The following GABARAPL1 variants were observed in gnomAD, a reference collection of about 807,000 sequenced individuals.
GABARAPL1 encodes the protein gamma-aminobutyric acid receptor-associated protein-like 1.
In GABARAPL1, 4 loss-of-function variants were observed where a neutral mutation model predicts 14.5. That is an observed-to-expected ratio of 0.28 (90% CI 0.14 to 0.63). GABARAPL1 has a LOEUF of 0.63. Among genes scored for constraint, GABARAPL1 ranks in the 30% least tolerant of loss-of-function variants. The pLI, the probability that GABARAPL1 is intolerant of heterozygous loss-of-function variation, is 0.84. For synonymous variants in GABARAPL1, 47 were observed against 50.6 expected (o/e 0.93, Z 0.30); for missense variants, 82 against 139.2 (o/e 0.59, Z 2.07).
chr12:10,221,894 G>T lies in GABARAPL1; in HGVS notation c.*42G>T, dbSNP rs530752860. The T allele has an allele frequency of 3.1e-6, 5 of 1,590,218 alleles. 1 individual carries two copies. The South Asian group carries it at 5.5e-5, about 18-fold the overall frequency. On this transcript the variant is annotated 3_prime_UTR_variant, in exon 4 of 4. Transcript: ENST00000266458. ...CAGATGGGAGCACCTGGACTTGGGG[G>T]TAGGGGAGGGGTGTGTGTGCGCGAC...
At chr12:10,215,209 T>C (rs1326797767) in intron 1 of GABARAPL1, among the ~76,000 whole-genome samples, 1 of 152,180 alleles carries the variant, frequency 6.6e-6, no homozygotes, top group Non-Finnish European at 1.5e-5. Flanking sequence ...TAATGATTCC[T>C]GAAGCCCATT....
chr12:10,217,228 CATATT>C (rs1277094182), intron 1 of GABARAPL1, among the ~76,000 whole-genome samples: 1 of 152,140 alleles, frequency 6.6e-6, no homozygotes, highest in East Asian at 1.9e-4. Flanking sequence ...GTGCTGACAT[CATATT>C]ATAGGATATC....
At chr12:10,220,726 C>T (rs1949116558) in intron 3 of GABARAPL1, 168 bp downstream of exon 3, 4 of 1,525,502 alleles carry the variant, frequency 2.6e-6, no homozygotes, top group African/African-American at 2.8e-5. Context: ...TTAGATACCT[C>T]TTGTTTTTTA....
At chr12:10,219,628 C>T (rs931490981) in intron 2 of GABARAPL1, among the ~76,000 whole-genome samples, 2 of 151,680 alleles carry the variant, frequency 1.3e-5, no homozygotes, top group Admixed American at 6.6e-5. Context: ...GGTGAAACCC[C>T]GTCTCTACTA....
chr12:10,221,994 C>T lies in GABARAPL1; in HGVS notation c.*142C>T, dbSNP rs377274258. The T allele has an allele frequency of 1.8e-5, 12 of 685,418 alleles. No homozygotes were observed. The highest frequency in any genetic ancestry group is 7.3e-5 in the Admixed American group (3 of 41,298). The allele number at this position is 685,418 out of a possible 1,614,324, so 42.5% of individuals were successfully genotyped here. On this transcript the variant is annotated 3_prime_UTR_variant, in exon 4 of 4. Coordinates refer to ENST00000266458, the MANE Select transcript of GABARAPL1 (RefSeq NM_031412.4). Reference sequence around the variant, plus strand: ...TCTAGAAACATTACACCACACACACCGTCATCACATTTTCACATGCTCAAT... The same window carrying T: ...TCTAGAAACATTACACCACACACACTGTCATCACATTTTCACATGCTCAAT...
intron 1 of GABARAPL1, chr12:10,213,810 A>C (rs572845503): frequency 4.8e-4 from 218 of 455,810 alleles, no homozygotes; most frequent in African/African-American, 4.0e-3. Context: ...TCTCTGCCCA[A>C]CAGCCCTCTT....
chr12:10,222,613 C>T lies in GABARAPL1; in HGVS notation c.*761C>T, dbSNP rs1486961236. 6.6e-6 allele frequency: 1 copy of T among 152,394 alleles called. No individual in the cohort carries two copies. The highest frequency in any genetic ancestry group is 2.1e-4 in the South Asian group (1 of 4,826). The allele number at this position is 152,394 out of a possible 1,614,324, so 9.4% of individuals were successfully genotyped here. ...CTCTTTGGTGCCCCTTATCTCACCCCTTCCTTGGAATTTAATAAGTCTCAG... is the reference window on the plus strand; with the variant it reads ...CTCTTTGGTGCCCCTTATCTCACCCTTTCCTTGGAATTTAATAAGTCTCAG... On this transcript the variant is annotated 3_prime_UTR_variant, in exon 4 of 4. Coordinates refer to ENST00000266458, the MANE Select transcript of GABARAPL1 (RefSeq NM_031412.4).
At position 10,222,963 on chromosome 12, in the gene GABARAPL1, G is replaced by A. The variant is rs1374324492; in HGVS notation, c.*1111G>A. The A allele has an allele frequency of 6.6e-6, 1 of 152,548 alleles. No individual in the cohort carries two copies. Among genetic ancestry groups the A allele is most frequent in the Non-Finnish European group, 1.5e-5 (1 of 68,022 alleles). 9.4% of individuals were successfully genotyped at this position (152,548 alleles called of 1,614,324 possible). On this transcript the variant is annotated 3_prime_UTR_variant, in exon 4 of 4. Coordinates refer to ENST00000266458, the MANE Select transcript of GABARAPL1 (RefSeq NM_031412.4). Reference sequence around the variant, plus strand: ...TGGGATTTTGTGGGGTGGGAGTGGGGAGCAGGAATTGCACTCAGACATGAC... The same window carrying A: ...TGGGATTTTGTGGGGTGGGAGTGGGAAGCAGGAATTGCACTCAGACATGAC...
At chr12:10,221,550 C>T (rs1314878492) in intron 3 of GABARAPL1, 1 of 586,900 alleles carries the variant, frequency 1.7e-6, no homozygotes, top group Non-Finnish European at 2.1e-6. Context: ...GGACTGTGCC[C>T]TAGTCATCTT....
chr12:10,216,257 G>A (rs1057003847), intron 1 of GABARAPL1, among the ~76,000 whole-genome samples: 1 of 151,868 alleles, frequency 6.6e-6, no homozygotes, highest in African/African-American at 2.4e-5. Flanking sequence ...TGTAATCCCT[G>A]CTACTCCGGA....
chr12:10,221,327 GA>G (rs1949119422), intron 3 of GABARAPL1: 1 of 978,962 alleles, frequency 1.0e-6, no homozygotes, highest in Admixed American at 6.2e-5. Context: ...TATTATTACT[GA>G]AAATATAACC....
chr12:10,220,564 G>T lies in GABARAPL1; in HGVS notation c.288+6G>T, dbSNP rs1358002789. On this transcript the variant is annotated splice_donor_region_variant and intron_variant, in intron 3 of 3. Transcript: ENST00000266458. Reference sequence around the variant, plus strand: ...CCATGGGCCAACTGTATGAGGTAATGGTTCTGGTTGCACAATACTGGATGC... The same window carrying T: ...CCATGGGCCAACTGTATGAGGTAATTGTTCTGGTTGCACAATACTGGATGC... The T allele has an allele frequency of 6.2e-7, 1 of 1,613,954 alleles. No homozygotes were observed. The highest frequency in any genetic ancestry group is 1.3e-5 in the African/African-American group (1 of 74,914).
Position 10,212,993 on chromosome 12 carries a change from C to A in GABARAPL1, c.-137C>A. The A allele has an allele frequency of 1.6e-6, 1 of 635,328 alleles. No homozygotes were observed. Among genetic ancestry groups the A allele is most frequent in the Non-Finnish European group, 2.9e-6 (1 of 345,404 alleles). The allele number at this position is 635,328 out of a possible 1,614,324, so 39.4% of individuals were successfully genotyped here. On this transcript the variant is annotated 5_prime_UTR_variant, in exon 1 of 4. Transcript: ENST00000266458. ...CCCGAACCCCCCCTGCACACTCGGC[C>A]CAGCGCTGTTGCCCCCGGAGCGGAC...
chr12:10,219,706 A>G (rs12306595), intron 2 of GABARAPL1, among the ~76,000 whole-genome samples: 1,542 of 152,218 alleles, frequency 0.01, 34 homozygotes, highest in African/African-American at 0.035. Flanking sequence ...AGGCTGAGGC[A>G]GGAGAATTGC....
rs1299577618 is a variant in GABARAPL1 at position 10,221,890 on chromosome 12, G to A, written c.*38G>A. The A allele has an allele frequency of 1.3e-6, 2 of 1,598,690 alleles. No individual in the cohort carries two copies. ...CCAGCAGATGGGAGCACCTGGACTT[G>A]GGGGTAGGGGAGGGGTGTGTGTGCG... On this transcript the variant is annotated 3_prime_UTR_variant, in exon 4 of 4. Coordinates refer to ENST00000266458, the MANE Select transcript of GABARAPL1 (RefSeq NM_031412.4).
At position 10,221,900 on chromosome 12, in the gene GABARAPL1, G is replaced by C. The variant is rs1286128583; in HGVS notation, c.*48G>C. ...GGAGCACCTGGACTTGGGGGTAGGG[G>C]AGGGGTGTGTGTGCGCGACATGGGG... is the stretch of plus-strand genomic sequence containing the variant. On this transcript the variant is annotated 3_prime_UTR_variant, in exon 4 of 4. Transcript: ENST00000266458. The C allele has an allele frequency of 1.3e-6, 2 of 1,579,130 alleles. No homozygotes were observed. Among genetic ancestry groups the C allele is most frequent in the East Asian group, 2.2e-5 (1 of 44,728 alleles).
intron 3 of GABARAPL1, 142 bp downstream of exon 3, chr12:10,220,700 G>A (rs1400567823): frequency 6.5e-7 from 1 of 1,543,872 alleles, no homozygotes; most frequent in Non-Finnish European, 8.7e-7. Context: ...ATATGGCAGT[G>A]TAAGGCTCTG....
At chr12:10,221,173 G>C (rs1565438181) in intron 3 of GABARAPL1, 1 of 972,754 alleles carries the variant, frequency 1.0e-6, no homozygotes, top group Non-Finnish European at 1.2e-6. Flanking sequence ...TGGGCACAAT[G>C]AATCAGATAA....
intron 1 of GABARAPL1, among the ~76,000 whole-genome samples, chr12:10,215,073 CCTT>C (rs1409545504): frequency 1.3e-5 from 2 of 152,156 alleles, no homozygotes; most frequent in African/African-American, 4.8e-5. Flanking sequence ...CAGTCTGTGA[CCTT>C]CTTTCTAGTT....
Sources: allele counts gnomAD v4.1 joint callset (sites outside exome capture counted in the v4.1 genomes callset), GRCh38; gene constraint gnomAD v4.1.1; transcripts MANE v1.5; gene names NCBI Gene and HGNC (gene_info 2026-07-23, HGNC 2026-07-21).